KATNIP: variants seen among roughly 807,000 people sequenced by gnomAD.
KATNIP encodes the protein katanin-interacting protein.
A neutral mutation model predicts 174.0 loss-of-function variants in KATNIP; 126 were observed. The ratio of observed to expected loss-of-function variants is 0.72; its 90% CI spans 0.63 to 0.84. The LOEUF is 0.84. KATNIP is among the 40% of genes least tolerant of loss of function. The probability of loss-of-function intolerance (pLI) is 0.00; values close to 1 mark genes in which losing one functional copy is unlikely to be tolerated. For synonymous variants in KATNIP, 810 were observed against 835.7 expected (o/e 0.97, Z 0.53); for missense variants, 1,958 against 2,109.7 (o/e 0.93, Z 1.41).
At chr16:27,647,805 A>C (rs1489275076) in intron 5 of KATNIP, among the ~76,000 whole-genome samples, 3 of 151,688 alleles carry the variant, frequency 2.0e-5, no homozygotes, top group Non-Finnish European at 4.4e-5. Context: ...ATGCCCCGCC[A>C]CCTGGTTAAT....
intron 3 of KATNIP, 79 bp downstream of exon 3, chr16:27,618,580 C>T (rs2076108958): frequency 9.9e-7 from 1 of 1,013,942 alleles, no homozygotes; most frequent in African/African-American, 1.6e-5. Context: ...GCAGGCAGGC[C>T]CTGCCTCACA....
At chr16:27,736,554 G>A (rs1012241405) in intron 14 of KATNIP, among the ~76,000 whole-genome samples, 10 of 152,166 alleles carry the variant, frequency 6.6e-5, no homozygotes, top group African/African-American at 1.7e-4. Flanking sequence ...GGGCATCTGC[G>A]GCAGAACACG....
At chr16:27,647,916 C>T (rs958634103) in intron 5 of KATNIP, among the ~76,000 whole-genome samples, 2 of 152,072 alleles carry the variant, frequency 1.3e-5, no homozygotes, top group East Asian at 3.9e-4. Flanking sequence ...CTTCCAAAAT[C>T]CTGAGATTAC....
At position 27,749,965 on chromosome 16, in the gene KATNIP, A is replaced by G. The variant is rs2081437710; in HGVS notation, c.3005A>G (p.Lys1002Arg). 1 of 1,614,120 alleles carries G rather than the reference A, an allele frequency of 6.2e-7. No individual in the cohort carries two copies. The highest frequency in any genetic ancestry group is 8.5e-7 in the Non-Finnish European group (1 of 1,180,044). The change falls in exon 16 of 28, where the codon AAG (lysine) becomes AGG (arginine). Residue 1002 changes from lysine to arginine, a missense_variant. By Grantham distance (26) the Lys-to-Arg change is conservative. Around this residue, in one of 3 missense-constraint regions of KATNIP, gnomAD observed 1,557 missense variants for 1,617.8 expected, o/e 0.96. Transcript: ENST00000261588. Reference sequence around the variant, plus strand: ...AACGGAATAGAAATATTCAGTTCCAAGGGTGAACCGGTGCAGATTTCAAAC... The same window carrying G: ...AACGGAATAGAAATATTCAGTTCCAGGGGTGAACCGGTGCAGATTTCAAAC... ...GLNGIEIFSSKGEPVQISNIK... is the reference protein window; with the variant it reads ...GLNGIEIFSSRGEPVQISNIK...
chr16:27,652,714 G>A (rs548109876), intron 6 of KATNIP, among the ~76,000 whole-genome samples: 16 of 151,772 alleles, frequency 1.1e-4, no homozygotes, highest in South Asian at 4.2e-4. Flanking sequence ...TCAGGAGGCC[G>A]AGGCAGGAGA....
intron 8 of KATNIP, among the ~76,000 whole-genome samples, chr16:27,692,214 A>T (rs1296136387): frequency 6.6e-6 from 1 of 152,160 alleles, no homozygotes. Flanking sequence ...GTGCTGGTGC[A>T]TTTGTTTAGC....
chr16:27,754,245 G>C lies in KATNIP; in HGVS notation c.3625G>C (p.Gly1209Arg). ...CACGCCAGAGCCAGGCATCTACCACGGAATCTGTGAGTAGCTCTCCTGGAG... is the reference window on the plus strand; with the variant it reads ...CACGCCAGAGCCAGGCATCTACCACCGAATCTGTGAGTAGCTCTCCTGGAG... ...VTTPEPGIYH[G>R]ICLQLNFTAS... is the part of the protein sequence containing the mutation. Residue 1209 changes from glycine (G) to arginine (R), a missense_variant, in exon 18 of 28, where the codon GGA (glycine) becomes CGA (arginine). Gly to Arg is a moderately radical substitution (Grantham distance 125). Around this residue, in one of 3 missense-constraint regions of KATNIP, gnomAD observed 1,557 missense variants for 1,617.8 expected, o/e 0.96. Coordinates refer to ENST00000261588, the MANE Select transcript of KATNIP (RefSeq NM_015202.5). The C allele has an allele frequency of 1.2e-6, 2 of 1,613,754 alleles. No individual in the cohort carries two copies. Among genetic ancestry groups the C allele is most frequent in the Non-Finnish European group, 1.7e-6 (2 of 1,179,622 alleles).
intron 2 of KATNIP, among the ~76,000 whole-genome samples, chr16:27,595,441 G>A (rs1312279976): frequency 2.0e-5 from 3 of 152,188 alleles, no homozygotes; most frequent in African/African-American, 7.2e-5. Context: ...GGATATACAG[G>A]AGTGTGGGGG....
At chr16:27,602,242 T>A (rs1241576747) in intron 2 of KATNIP, among the ~76,000 whole-genome samples, 1 of 152,174 alleles carries the variant, frequency 6.6e-6, no homozygotes, top group Non-Finnish European at 1.5e-5. Flanking sequence ...CCCTCAGCCC[T>A]TCTCAACTCA....
intron 18 of KATNIP, among the ~76,000 whole-genome samples, chr16:27,756,724 T>C (rs1309635271): frequency 1.3e-5 from 2 of 151,996 alleles, no homozygotes; most frequent in African/African-American, 4.8e-5. Flanking sequence ...GGATGAATAA[T>C]GGAAATTTAA....
At chr16:27,554,695 G>A (rs542005996) in intron 1 of KATNIP, among the ~76,000 whole-genome samples, 1 of 151,530 alleles carries the variant, frequency 6.6e-6, no homozygotes, top group South Asian at 2.1e-4. Flanking sequence ...CCCCCAAAAG[G>A]AAAAATTTAT....
At chr16:27,737,757 C>T (rs74016992) in intron 14 of KATNIP, among the ~76,000 whole-genome samples, 1,683 of 152,240 alleles carry the variant, frequency 0.011, 27 homozygotes, top group African/African-American at 0.038. Context: ...GCCGCCACAC[C>T]CACCCACTCC....
At chr16:27,770,620 G>A (rs2082264591) in intron 21 of KATNIP, among the ~76,000 whole-genome samples, 1 of 152,260 alleles carries the variant, frequency 6.6e-6, no homozygotes, top group South Asian at 2.1e-4. Flanking sequence ...CCCTTGAAAT[G>A]GAAGAGAACC....
intron 6 of KATNIP, among the ~76,000 whole-genome samples, chr16:27,650,758 A>G (rs1473007210): frequency 6.6e-6 from 1 of 152,240 alleles, no homozygotes; most frequent in East Asian, 1.9e-4. Flanking sequence ...ATACCCGAGT[A>G]TGTTGGAAAT....
intron 2 of KATNIP, among the ~76,000 whole-genome samples, chr16:27,578,041 C>T (rs1429544981): frequency 6.6e-6 from 1 of 152,110 alleles, no homozygotes; most frequent in Non-Finnish European, 1.5e-5. Flanking sequence ...ATGTCCAGGC[C>T]TCTTTCCAAA....
intron 3 of KATNIP, among the ~76,000 whole-genome samples, chr16:27,621,101 C>T (rs1249191562): frequency 6.6e-6 from 1 of 152,058 alleles, no homozygotes; most frequent in East Asian, 1.9e-4. Context: ...AAGTTCAAAA[C>T]CCCGTCTCTA....
chr16:27,599,184 G>A (rs917871803), intron 2 of KATNIP, among the ~76,000 whole-genome samples: 2 of 152,162 alleles, frequency 1.3e-5, no homozygotes, highest in Non-Finnish European at 2.9e-5. Context: ...CTGAGGGAGG[G>A]GAGAAGCCAG....
At chr16:27,751,292 G>A (rs1385666471) in intron 16 of KATNIP, among the ~76,000 whole-genome samples, 1 of 152,158 alleles carries the variant, frequency 6.6e-6, no homozygotes, top group Non-Finnish European at 1.5e-5. Flanking sequence ...CCTGCCTGAA[G>A]GTGAAGGAGC....
intron 1 of KATNIP, among the ~76,000 whole-genome samples, chr16:27,569,903 T>G (rs1243313432): frequency 6.6e-6 from 1 of 152,194 alleles, no homozygotes; most frequent in African/African-American, 2.4e-5. Context: ...TTATTTTATT[T>G]TATTCTTTTT....
Sources: allele counts gnomAD v4.1 joint callset (sites outside exome capture counted in the v4.1 genomes callset), GRCh38; gene constraint gnomAD v4.1.1; regional missense constraint gnomAD v4.1.1; transcripts MANE v1.5; gene names NCBI Gene and HGNC (gene_info 2026-07-23, HGNC 2026-07-21).